The following MIPOL1 variants were observed in gnomAD, a reference collection of about 807,000 sequenced individuals.
MIPOL1 encodes mirror-image polydactyly 1.
In MIPOL1, 57 loss-of-function variants were observed where a neutral mutation model predicts 60.9. The ratio of observed to expected loss-of-function variants is 0.94; its 90% CI spans 0.76 to 1.17. The LOEUF is 1.17. MIPOL1 is among the 50% of genes most tolerant of loss of function. The pLI is 0.00. For missense variants in MIPOL1, 551 were observed against 511.6 expected, an observed-to-expected ratio of 1.08 and a Z score of -0.74; for synonymous variants, 179 against 168.8, an observed-to-expected ratio of 1.06 and a Z score of -0.47.
chr14:37,292,320 G>A (rs565908836), intron 7 of MIPOL1, among the ~76,000 whole-genome samples: 2 of 152,022 alleles, frequency 1.3e-5, no homozygotes, highest in South Asian at 4.2e-4. Flanking sequence ...TTATGAACTA[G>A]TTTCTTTTGC....
intron 1 of MIPOL1, among the ~76,000 whole-genome samples, chr14:37,206,950 A>G (rs1184063821): frequency 6.6e-6 from 1 of 152,216 alleles, no homozygotes; most frequent in Non-Finnish European, 1.5e-5. Flanking sequence ...ACAGGTGGAA[A>G]AGACTTGCCT....
intron 1 of MIPOL1, among the ~76,000 whole-genome samples, chr14:37,215,902 T>C (rs1299208877): frequency 6.6e-6 from 1 of 151,912 alleles, no homozygotes; most frequent in South Asian, 2.1e-4. Context: ...ACCCTGTCTC[T>C]AATAAAAATA....
chr14:37,233,617 A>G (rs1970970890), intron 1 of MIPOL1, among the ~76,000 whole-genome samples: 1 of 152,154 alleles, frequency 6.6e-6, no homozygotes, highest in Non-Finnish European at 1.5e-5. Flanking sequence ...TAGGAAACAC[A>G]AAGAAGTCAG....
intron 10 of MIPOL1, among the ~76,000 whole-genome samples, chr14:37,380,173 C>T (rs571568275): frequency 6.6e-6 from 1 of 152,142 alleles, no homozygotes; most frequent in South Asian, 2.1e-4. Context: ...GTTGGAAAAG[C>T]GGAGAGAAAG....
intron 11 of MIPOL1, among the ~76,000 whole-genome samples, chr14:37,448,892 C>T (rs370218467): frequency 1.3e-5 from 2 of 152,128 alleles, no homozygotes; most frequent in African/African-American, 2.4e-5. Flanking sequence ...TTCTAATGAA[C>T]GTATAATGTG....
chr14:37,377,719 G>A (rs948519263), intron 10 of MIPOL1, among the ~76,000 whole-genome samples: 55 of 148,474 alleles, frequency 3.7e-4, no homozygotes, highest in Admixed American at 2.2e-3. Context: ...CAGGAGTGCG[G>A]TGGTTATTTC....
intron 11 of MIPOL1, among the ~76,000 whole-genome samples, chr14:37,458,253 A>G (rs1355021137): frequency 6.6e-6 from 1 of 152,198 alleles, no homozygotes; most frequent in African/African-American, 2.4e-5. Context: ...AGCATTAGAT[A>G]GATCACTGAG....
intron 1 of MIPOL1, among the ~76,000 whole-genome samples, chr14:37,198,691 G>A (rs982778330): frequency 3.3e-5 from 5 of 152,170 alleles, no homozygotes; most frequent in African/African-American, 4.8e-5. Context: ...ATTAGACAAG[G>A]ATGGTAGAAA....
chr14:37,383,763 G>A (rs900124397), intron 10 of MIPOL1, among the ~76,000 whole-genome samples: 2 of 151,840 alleles, frequency 1.3e-5, no homozygotes, highest in African/African-American at 4.8e-5. Flanking sequence ...TTCACCTTTT[G>A]AGAGGTTGTA....
intron 10 of MIPOL1, among the ~76,000 whole-genome samples, chr14:37,385,188 G>T (rs2093031507): frequency 6.6e-6 from 1 of 152,072 alleles, no homozygotes; most frequent in Non-Finnish European, 1.5e-5. Flanking sequence ...AAGAGGGAGG[G>T]TGTGTAAGGT....
intron 1 of MIPOL1, among the ~76,000 whole-genome samples, chr14:37,233,594 G>T (rs2093119): frequency 0.45 from 68,758 of 151,860 alleles, 18,150 homozygotes; most frequent in African/African-American, 0.74. Flanking sequence ...GCCTTTTACA[G>T]ATTTTTTAAG....
intron 9 of MIPOL1, among the ~76,000 whole-genome samples, chr14:37,362,077 T>C (rs1047596593): frequency 6.6e-6 from 1 of 152,194 alleles, no homozygotes; most frequent in African/African-American, 2.4e-5. Context: ...TGCCAGTCTG[T>C]GTCCTTTAAT....
At chr14:37,491,253 G>T (rs2095043454) in intron 11 of MIPOL1, among the ~76,000 whole-genome samples, 1 of 152,144 alleles carries the variant, frequency 6.6e-6, no homozygotes, top group Non-Finnish European at 1.5e-5. Flanking sequence ...TTCTGGCCAG[G>T]CGCAATGGCT....
At chr14:37,479,195 G>A (rs576428030) in intron 11 of MIPOL1, among the ~76,000 whole-genome samples, 1 of 152,122 alleles carries the variant, frequency 6.6e-6, no homozygotes, top group South Asian at 2.1e-4. Context: ...AGCCCAAATG[G>A]AGCTAAGAGA....
At chr14:37,321,981 T>G (rs1163317168) in intron 9 of MIPOL1, among the ~76,000 whole-genome samples, 10 of 151,958 alleles carry the variant, frequency 6.6e-5, no homozygotes, top group Admixed American at 6.6e-4. Context: ...CAGTGAACGT[T>G]TATATATATA....
At chr14:37,241,276 G>C (rs1972314212) in intron 1 of MIPOL1, among the ~76,000 whole-genome samples, 1 of 152,124 alleles carries the variant, frequency 6.6e-6, no homozygotes. Context: ...GACCTTGAAT[G>C]ATTAAATGGC....
chr14:37,286,554 G>C (rs1157726339), intron 7 of MIPOL1, among the ~76,000 whole-genome samples: 1 of 152,100 alleles, frequency 6.6e-6, no homozygotes, highest in Non-Finnish European at 1.5e-5. Flanking sequence ...GCATACTTAT[G>C]GCATGTTTAC....
intron 12 of MIPOL1, among the ~76,000 whole-genome samples, chr14:37,518,873 C>T (rs1238236374): frequency 2.0e-5 from 3 of 151,988 alleles, no homozygotes; most frequent in Admixed American, 6.6e-5. Flanking sequence ...CATAAACCAT[C>T]GTGAAAAGGT....
At chr14:37,384,796 C>G (rs2093021845) in intron 10 of MIPOL1, among the ~76,000 whole-genome samples, 1 of 151,676 alleles carries the variant, frequency 6.6e-6, no homozygotes, top group South Asian at 2.1e-4. Context: ...GAATTTTATC[C>G]CTGTTTTTTA....
Sources: allele counts gnomAD v4.1 joint callset (sites outside exome capture counted in the v4.1 genomes callset), GRCh38; gene constraint gnomAD v4.1.1; transcripts MANE v1.5; gene names NCBI Gene and HGNC (gene_info 2026-07-23, HGNC 2026-07-21).